Variants in TBCD observed in about 807,000 individuals in gnomAD.
TBCD encodes tubulin folding cofactor D, also known as tubulin-specific chaperone D.
In TBCD, 105 loss-of-function variants were observed where a neutral mutation model predicts 169.3. The observed-to-expected ratio is 0.62, with a 90% confidence interval of 0.53 to 0.73. The LOEUF is 0.73. TBCD is among the 30% of genes least tolerant of loss of function. The probability of loss-of-function intolerance (pLI) is 0.00; values close to 1 mark genes in which losing one functional copy is unlikely to be tolerated. For synonymous variants in TBCD, 700 were observed against 643.9 expected (o/e 1.09, Z -1.32); for missense variants, 1,444 against 1,600.1 (o/e 0.90, Z 1.66).
intron 13 of TBCD, chr17:82,830,030 A>G (rs2053335106): frequency 1.3e-6 from 2 of 1,515,308 alleles, no homozygotes; most frequent in South Asian, 2.3e-5. Context: ...TTTGAGAAGC[A>G]GCAGCTGCAT....
intron 6 of TBCD, 29 bp from the exon 7 acceptor site, chr17:82,781,560 G>A: frequency 6.2e-7 from 1 of 1,612,568 alleles, no homozygotes; most frequent in Non-Finnish European, 8.5e-7. Flanking sequence ...CAGTGCTGAG[G>A]CCTTGGTTGA....
In TBCD at chr17:82,782,123, T is replaced by C. The variant is rs946047079; in HGVS notation, c.771+402T>C. 1.3e-5 allele frequency among the ~76,000 whole-genome samples: 2 copies of C among 152,220 alleles called. No homozygotes were observed. The highest frequency in any genetic ancestry group is 2.1e-4 in the South Asian group (1 of 4,834). Reference sequence around the variant, plus strand: ...TTTGCACTGGGCTCGGGTTGGATGTTCCTGACTGCTTCGTTGGGACACAGA... The same window carrying C: ...TTTGCACTGGGCTCGGGTTGGATGTCCCTGACTGCTTCGTTGGGACACAGA... On this transcript the variant is annotated intron_variant, in intron 7 of 38. Coordinates refer to ENST00000355528, the MANE Select transcript of TBCD (RefSeq NM_005993.5). This position sits in a 1 kb window ranked among gnomAD's most constrained non-coding sequence, Gnocchi z 5.1.
At position 82,943,282 on chromosome 17, in the gene TBCD, G is replaced by C. The variant is rs1331704661; in HGVS notation, c.*819G>C. ...TTGTCTCTGTGTCTGAGCTCGTGCT[G>C]ATCCATCCCAAAGCTGGTGAGGGGA... On this transcript the variant is annotated 3_prime_UTR_variant, in exon 39 of 39. Coordinates refer to ENST00000355528, the MANE Select transcript of TBCD (RefSeq NM_005993.5). 1.3e-5 allele frequency: 2 copies of C among 152,352 alleles called. No homozygotes were observed. Among genetic ancestry groups the C allele is most frequent in the Non-Finnish European group, 2.9e-5 (2 of 68,160 alleles). The allele number at this position is 152,352 out of a possible 1,614,324, so 9.4% of individuals were successfully genotyped here.
intron 20 of TBCD, among the ~76,000 whole-genome samples, chr17:82,907,440 T>C (rs1333520654): frequency 6.6e-6 from 1 of 152,140 alleles, no homozygotes; most frequent in Non-Finnish European, 1.5e-5. Context: ...CCCAGCTATT[T>C]AGGAGGCGGA....
At chr17:82,828,282 ACCCC>A (rs139017932) in intron 13 of TBCD, among the ~76,000 whole-genome samples, 16 of 100,050 alleles carry the variant, frequency 1.6e-4, no homozygotes, top group Middle Eastern at 8.3e-3. Context: ...ATGCACACAC[ACCCC>A]CCCACAGGCA....
chr17:82,867,796 G>C (rs1264814137), intron 13 of TBCD, among the ~76,000 whole-genome samples: 1 of 152,242 alleles, frequency 6.6e-6, no homozygotes, highest in East Asian at 1.9e-4. Context: ...CAAGAAGTGA[G>C]AGATACTCTT....
intron 1 of TBCD, among the ~76,000 whole-genome samples, chr17:82,754,253 G>A (rs2047285431): frequency 6.6e-6 from 1 of 152,132 alleles, no homozygotes; most frequent in Non-Finnish European, 1.5e-5. Flanking sequence ...TGGCTGATTG[G>A]TTAGGGGTAT....
intron 6 of TBCD, among the ~76,000 whole-genome samples, chr17:82,778,234 C>T (rs906164358): frequency 3.2e-4 from 49 of 152,016 alleles, no homozygotes; most frequent in Admixed American, 5.2e-4. Context: ...TGGAACAGCT[C>T]GTGTCCTTGG....
intron 23 of TBCD, among the ~76,000 whole-genome samples, chr17:82,916,832 ATGTTT>A (rs1316364718): frequency 1.3e-5 from 2 of 151,766 alleles, no homozygotes; most frequent in African/African-American, 4.8e-5. Flanking sequence ...TTTTCTGTCG[ATGTTT>A]TGTTCACTTT....
chr17:82,900,585 C>A, intron 17 of TBCD, 66 bp from the exon 18 acceptor site: 1 of 1,294,356 alleles, frequency 7.7e-7, no homozygotes, highest in Non-Finnish European at 1.1e-6. Context: ...GTGCTGAATT[C>A]CCACCCACAG....
At position 82,937,758 on chromosome 17, in the gene TBCD, G is replaced by A. The variant is rs2062754843; in HGVS notation, c.3282-291G>A. 6 of 1,041,636 alleles carry A rather than the reference G, an allele frequency of 5.8e-6. No individual in the cohort carries two copies. In the South Asian group the frequency reaches 8.6e-5, roughly 15 times the overall value. 64.5% of individuals were successfully genotyped at this position (1,041,636 alleles called of 1,614,324 possible). ...CCAGCCAGCGATAGGCACCTTGGCT[G>A]CTCTGTGGCTCCTTGAGGTGGGGGT... On this transcript the variant is annotated intron_variant, in intron 35 of 38. Coordinates refer to ENST00000355528, the MANE Select transcript of TBCD (RefSeq NM_005993.5).
chr17:82,856,748 TC>T (rs2056320305), intron 13 of TBCD, among the ~76,000 whole-genome samples: 1 of 148,578 alleles, frequency 6.7e-6, no homozygotes, highest in East Asian at 2.0e-4. Context: ...GTGCGGACCC[TC>T]GCTGCGCATC....
chr17:82,842,870 T>C (rs1364866551), intron 13 of TBCD, among the ~76,000 whole-genome samples: 2 of 144,332 alleles, frequency 1.4e-5, no homozygotes, highest in African/African-American at 5.1e-5. Context: ...AAACTCCACC[T>C]CCCATGTTCA....
chr17:82,784,274 C>T (rs116217576), intron 7 of TBCD, among the ~76,000 whole-genome samples: 1,537 of 152,274 alleles, frequency 0.01, 23 homozygotes, highest in African/African-American at 0.035. Context: ...GCATACCTGT[C>T]GTACTGATGA....
intron 17 of TBCD, among the ~76,000 whole-genome samples, chr17:82,899,642 T>C (rs1005323664): frequency 6.6e-6 from 1 of 152,252 alleles, no homozygotes. Flanking sequence ...GATGTGTATT[T>C]TCATTTCTTT....
chr17:82,834,362 A>G (rs1384549646), intron 13 of TBCD, among the ~76,000 whole-genome samples: 17 of 152,220 alleles, frequency 1.1e-4, no homozygotes, highest in South Asian at 2.1e-4. Flanking sequence ...TGGAGGTGCA[A>G]TGGATCAAGG....
At chr17:82,830,024 A>T in intron 13 of TBCD, 1 of 1,489,958 alleles carries the variant, frequency 6.7e-7, no homozygotes, top group African/African-American at 1.4e-5. Context: ...TGTTTTTTTG[A>T]GAAGCAGCAG....
At chr17:82,843,328 C>T (rs1279424247) in intron 13 of TBCD, among the ~76,000 whole-genome samples, 1 of 132,814 alleles carries the variant, frequency 7.5e-6, no homozygotes, top group Non-Finnish European at 1.6e-5. Flanking sequence ...CTCCCCTCCC[C>T]TCCCCGTCCA....
At chr17:82,764,122 G>T in intron 3 of TBCD, 60 bp downstream of exon 3, 1 of 1,296,228 alleles carries the variant, frequency 7.7e-7, no homozygotes, top group Non-Finnish European at 1.1e-6. Flanking sequence ...TTGGTCCAGA[G>T]GTTACCCTCC....
Sources: allele counts gnomAD v4.1 joint callset (sites outside exome capture counted in the v4.1 genomes callset), GRCh38; gene constraint gnomAD v4.1.1; non-coding constraint Gnocchi (gnomAD v3.1); transcripts MANE v1.5; gene names NCBI Gene and HGNC (gene_info 2026-07-23, HGNC 2026-07-21).